The following PPM1L variants were observed in gnomAD, a reference collection of about 807,000 sequenced individuals.
The protein encoded by PPM1L is protein phosphatase 1L.
In PPM1L, 13 loss-of-function variants were observed where a neutral mutation model predicts 31.4. The ratio of observed to expected loss-of-function variants is 0.41; its 90% CI spans 0.27 to 0.66. PPM1L has a LOEUF of 0.66. Ranked by LOEUF, PPM1L falls within the 30% of genes least tolerant of loss-of-function variation. The pLI, the probability that PPM1L is intolerant of heterozygous loss-of-function variation, is 0.29. For missense variants in PPM1L, 326 were observed against 453.7 expected, an observed-to-expected ratio of 0.72 and a Z score of 2.56; for synonymous variants, 184 against 175.4, an observed-to-expected ratio of 1.05 and a Z score of -0.39.
At chr3:160,976,581 C>CCAG in intron 2 of PPM1L, among the ~76,000 whole-genome samples, 1 of 151,610 alleles carries the variant, frequency 6.6e-6, no homozygotes, top group East Asian at 1.9e-4. Context: ...AGAGATTCAA[C>CCAG]TTCTTCCTGG....
chr3:160,807,990 C>T (rs1045172694), intron 1 of PPM1L, among the ~76,000 whole-genome samples: 8 of 152,104 alleles, frequency 5.3e-5, no homozygotes, highest in Middle Eastern at 3.4e-3. Flanking sequence ...AGTGTTATGA[C>T]GAGGATTGAC....
In PPM1L at chr3:160,881,434, G is replaced by A. The variant is rs143091758; in HGVS notation, c.400-80302G>A. The stretch of plus-strand genomic sequence containing the variant: ...AGCTTGGGAACAGGGCTAGGAGAGA[G>A]GACAGTGTGAGAAAGTATGTCAAGC... On this transcript the variant is annotated intron_variant, in intron 1 of 3. Coordinates refer to ENST00000498165, the MANE Select transcript of PPM1L (RefSeq NM_139245.4). Among the ~76,000 whole-genome samples the A allele has an allele frequency of 9.9e-5, 15 of 152,218 alleles. No individual in the cohort carries two copies. In the East Asian group the frequency reaches 2.9e-3, roughly 29 times the overall value.
chr3:161,036,013 A>T lies in PPM1L; in HGVS notation c.575-29390A>T, dbSNP rs1409983906. 2.0e-5 allele frequency: 3 copies of T among 152,372 alleles called. No homozygotes were observed. The East Asian group carries it at 5.8e-4, about 29-fold the overall frequency. The allele number at this position is 152,372 out of a possible 1,614,324, so 9.4% of individuals were successfully genotyped here. A position where few individuals can be genotyped will look rare whatever the true frequency, so the allele number is the denominator to read the frequency against. On this transcript the variant is annotated intron_variant, in intron 2 of 3. Transcript: ENST00000498165. ...AGTATACCAGCAAGTCAGCAAGTCCAAATCAAGCCATGACTCAGATTTCCT... is the reference window on the plus strand; with the variant it reads ...AGTATACCAGCAAGTCAGCAAGTCCTAATCAAGCCATGACTCAGATTTCCT...
intron 1 of PPM1L, among the ~76,000 whole-genome samples, chr3:160,790,682 C>T (rs1712078898): frequency 6.6e-6 from 1 of 152,012 alleles, no homozygotes; most frequent in Non-Finnish European, 1.5e-5. Context: ...TAGGAATGCT[C>T]TGTGCAATTG....
At chr3:160,836,087 G>C (rs540399186) in intron 1 of PPM1L, among the ~76,000 whole-genome samples, 1 of 152,188 alleles carries the variant, frequency 6.6e-6, no homozygotes, top group East Asian at 1.9e-4. Context: ...GGAAATACAT[G>C]ATAGGCTCTA....
chr3:160,759,838 C>G (rs1372381785), intron 1 of PPM1L, among the ~76,000 whole-genome samples: 4 of 152,192 alleles, frequency 2.6e-5, no homozygotes, highest in Non-Finnish European at 4.4e-5. Flanking sequence ...CTAGCTGCGA[C>G]ATTGGACAAG....
At chr3:160,804,448 G>C (rs550721989) in intron 1 of PPM1L, among the ~76,000 whole-genome samples, 1 of 152,232 alleles carries the variant, frequency 6.6e-6, no homozygotes, top group Non-Finnish European at 1.5e-5. Context: ...CCTTTTACCA[G>C]ACATGGTAAT....
At chr3:160,806,299 C>G (rs986112081) in intron 1 of PPM1L, among the ~76,000 whole-genome samples, 2 of 152,138 alleles carry the variant, frequency 1.3e-5, no homozygotes, top group African/African-American at 4.8e-5. Flanking sequence ...CAAGACCCAG[C>G]CTGATCATAG....
rs1270722531 is a variant in PPM1L, at chr3:161,077,488, T to G, written c.*8331T>G. 2 of 152,302 alleles carry G rather than the reference T, an allele frequency of 1.3e-5. No individual in the cohort carries two copies. The highest frequency in any genetic ancestry group is 4.8e-5 in the African/African-American group (2 of 41,454). 9.4% of individuals were successfully genotyped at this position (152,302 alleles called of 1,614,324 possible). A position where few individuals can be genotyped will look rare whatever the true frequency, so the allele number is the denominator to read the frequency against. On this transcript the variant is annotated 3_prime_UTR_variant, in exon 4 of 4. Coordinates refer to ENST00000498165, the MANE Select transcript of PPM1L (RefSeq NM_139245.4). ...TCTTTCTAGGGGAAGAGAAGGATTA[T>G]AGAAAAGGAGAAAAGGGAGGAGCAA...
At chr3:160,999,907 C>T (rs113706803) in intron 2 of PPM1L, among the ~76,000 whole-genome samples, 18 of 152,298 alleles carry the variant, frequency 1.2e-4, no homozygotes, top group African/African-American at 4.1e-4. Flanking sequence ...ATGCATACAA[C>T]GCTTAATGTG....
intron 1 of PPM1L, among the ~76,000 whole-genome samples, chr3:160,942,680 G>A (rs943561716): frequency 3.9e-5 from 6 of 152,152 alleles, no homozygotes; most frequent in African/African-American, 1.4e-4. Flanking sequence ...CCAAAGAATA[G>A]TTAGGTAAGA....
At chr3:160,986,839 TG>T (rs1716980357) in intron 2 of PPM1L, among the ~76,000 whole-genome samples, 1 of 152,252 alleles carries the variant, frequency 6.6e-6, no homozygotes, top group African/African-American at 2.4e-5. Context: ...TGCCAAATCT[TG>T]GAAAATTTAT....
chr3:160,891,127 G>T (rs1473018343), intron 1 of PPM1L, among the ~76,000 whole-genome samples: 1 of 152,146 alleles, frequency 6.6e-6, no homozygotes, highest in Non-Finnish European at 1.5e-5. Flanking sequence ...TGACAAATGT[G>T]ATCTAATTAA....
intron 2 of PPM1L, among the ~76,000 whole-genome samples, chr3:161,032,668 A>G (rs1270320684): frequency 1.3e-5 from 2 of 149,624 alleles, no homozygotes; most frequent in Admixed American, 6.7e-5. Flanking sequence ...AAATATGAGT[A>G]CAGTGCCTCA....
chr3:160,903,064 G>T (rs1353259445), intron 1 of PPM1L, among the ~76,000 whole-genome samples: 2 of 152,106 alleles, frequency 1.3e-5, no homozygotes, highest in African/African-American at 4.8e-5. Flanking sequence ...TACACACCTT[G>T]TTAGATTGTT....
At chr3:161,020,769 A>G (rs1269119526) in intron 2 of PPM1L, among the ~76,000 whole-genome samples, 1 of 152,062 alleles carries the variant, frequency 6.6e-6, no homozygotes, top group Non-Finnish European at 1.5e-5. Context: ...TCTTGAGTCA[A>G]TTTTATCAGT....
At chr3:160,771,868 G>T (rs111578115) in intron 1 of PPM1L, among the ~76,000 whole-genome samples, 2,281 of 147,764 alleles carry the variant, frequency 0.015, 50 homozygotes, top group African/African-American at 0.053. Flanking sequence ...TTTGCTGTTT[G>T]TTTTTTTTTT....
chr3:161,015,674 G>A (rs1718063322), intron 2 of PPM1L, among the ~76,000 whole-genome samples: 1 of 152,108 alleles, frequency 6.6e-6, no homozygotes, highest in South Asian at 2.1e-4. Flanking sequence ...GGATTCAGTG[G>A]TTCTCTTGAT....
At chr3:160,842,896 C>T (rs1486995897) in intron 1 of PPM1L, among the ~76,000 whole-genome samples, 1 of 152,176 alleles carries the variant, frequency 6.6e-6, no homozygotes, top group Non-Finnish European at 1.5e-5. Flanking sequence ...AGTTCTAACT[C>T]ACCATTTAGC....
Sources: allele counts gnomAD v4.1 joint callset (sites outside exome capture counted in the v4.1 genomes callset), GRCh38; gene constraint gnomAD v4.1.1; transcripts MANE v1.5; gene names NCBI Gene and HGNC (gene_info 2026-07-23, HGNC 2026-07-21).